The following PPP1R14C variants were observed in gnomAD, a reference collection of about 807,000 sequenced individuals.
The protein encoded by PPP1R14C is protein phosphatase 1 regulatory inhibitor subunit 14C, also known as protein phosphatase 1 regulatory subunit 14C.
PPP1R14C carries 16 observed loss-of-function variants against 20.4 expected under a neutral mutation model. The ratio of observed to expected loss-of-function variants is 0.78; its 90% CI spans 0.53 to 1.19. The LOEUF is 1.19. Ranked by LOEUF, PPP1R14C falls within the 50% of genes most tolerant of loss-of-function variation. The pLI, the probability that PPP1R14C is intolerant of heterozygous loss-of-function variation, is 0.00. For synonymous variants in PPP1R14C, 91 were observed against 91.0 expected (o/e 1.00, Z 0.00); for missense variants, 211 against 220.1 (o/e 0.96, Z 0.26).
intron 1 of PPP1R14C, among the ~76,000 whole-genome samples, chr6:150,153,327 G>A (rs1777271183): frequency 1.3e-5 from 2 of 152,184 alleles, no homozygotes; most frequent in Admixed American, 1.3e-4. Context: ...CTTTTTCCTG[G>A]TTATAAATTA....
At chr6:150,190,125 A>G (rs1331006657) in intron 1 of PPP1R14C, among the ~76,000 whole-genome samples, 1 of 152,086 alleles carries the variant, frequency 6.6e-6, no homozygotes, top group Non-Finnish European at 1.5e-5. Flanking sequence ...TCTGCATGCT[A>G]TATTTTGAGG....
At position 150,216,844 on chromosome 6, in the gene PPP1R14C, C is replaced by T. The variant is rs768253374; in HGVS notation, c.411C>T (p.Tyr137=). The change falls in exon 3 of 4, where the codon TAC becomes TAT. Residue 137 remains tyrosine, a synonymous_variant. Transcript: ENST00000361131. ...SKLQEALVDC[Y]KPTEEFIKEL... is the part of the protein sequence containing the mutation. ...TCTAGGAAGCTCTTGTAGACTGCTA[C>T]AAACCAACAGAGGTAAGCAAATCAC... 1.2e-6 allele frequency: 2 copies of T among 1,603,314 alleles called. No individual in the cohort carries two copies. Among genetic ancestry groups the T allele is most frequent in the Non-Finnish European group, 1.7e-6 (2 of 1,174,296 alleles).
Position 150,176,916 on chromosome 6 carries a change from A to C in PPP1R14C, c.306+33418A>C, listed in dbSNP as rs370105167. 7.9e-5 allele frequency among the ~76,000 whole-genome samples: 12 copies of C among 152,268 alleles called. No individual in the cohort carries two copies. In the South Asian group the frequency reaches 2.5e-3, roughly 32 times the overall value. ...GGAAGAGGGAGGAGAGATCACGAGG[A>C]AGGGCTAGTTATTTAGGGCCGGTCC... On this transcript the variant is annotated intron_variant, in intron 1 of 3. Transcript: ENST00000361131.
At chr6:150,181,450 A>C (rs1449800724) in intron 1 of PPP1R14C, among the ~76,000 whole-genome samples, 2 of 140,336 alleles carry the variant, frequency 1.4e-5, no homozygotes, top group African/African-American at 5.5e-5. Flanking sequence ...AGAAATTCTA[A>C]TGATCTGGTA....
At chr6:150,199,587 A>G (rs185824262) in intron 1 of PPP1R14C, among the ~76,000 whole-genome samples, 1 of 152,318 alleles carries the variant, frequency 6.6e-6, no homozygotes, top group Admixed American at 6.5e-5. Flanking sequence ...ATTTCTGTTC[A>G]TGGTCAGGCA....
intron 1 of PPP1R14C, among the ~76,000 whole-genome samples, chr6:150,158,626 G>A (rs964764677): frequency 6.6e-6 from 1 of 152,148 alleles, no homozygotes; most frequent in Non-Finnish European, 1.5e-5. Context: ...GTATCATTAT[G>A]GGTAATTTAT....
At chr6:150,214,714 A>G (rs199617066) in intron 1 of PPP1R14C, 30 bp from the exon 2 acceptor site, 294 of 1,559,290 alleles carry the variant, frequency 1.9e-4, no homozygotes, top group Middle Eastern at 1.7e-3. Context: ...ACTAAATTAA[A>G]TGCCTTCATA....
At chr6:150,156,764 A>G (rs144848555) in intron 1 of PPP1R14C, among the ~76,000 whole-genome samples, 49 of 152,354 alleles carry the variant, frequency 3.2e-4, no homozygotes, top group Non-Finnish European at 5.4e-4. Context: ...AAACTAAAAA[A>G]CAACACGTAC....
In PPP1R14C at chr6:150,233,678, G is replaced by A. The variant is rs116759400; in HGVS notation, c.424-15068G>A. Among the ~76,000 whole-genome samples the A allele has an allele frequency of 1.6e-3, 238 of 152,254 alleles. 1 individual carries two copies. Among genetic ancestry groups the A allele is most frequent in the African/African-American group, 5.4e-3 (224 of 41,544 alleles). ...TCCAAAATAATCAGTAACCAGTGTG[G>A]GAGACTGGCCAGGCACTTTCGGACT... On this transcript the variant is annotated intron_variant, in intron 3 of 3. Coordinates refer to ENST00000361131, the MANE Select transcript of PPP1R14C (RefSeq NM_030949.3).
At chr6:150,220,475 G>A (rs1778153595) in intron 3 of PPP1R14C, among the ~76,000 whole-genome samples, 1 of 152,160 alleles carries the variant, frequency 6.6e-6, no homozygotes, top group Non-Finnish European at 1.5e-5. Context: ...TTGTGTGATG[G>A]GTTAGACAAG....
intron 1 of PPP1R14C, among the ~76,000 whole-genome samples, chr6:150,186,017 C>A (rs1240549902): frequency 6.6e-6 from 1 of 152,136 alleles, no homozygotes; most frequent in Non-Finnish European, 1.5e-5. Context: ...CAGCAAAGCC[C>A]AGCCCTACCC....
chr6:150,242,148 A>G (rs1034071192), intron 3 of PPP1R14C, among the ~76,000 whole-genome samples: 1 of 152,178 alleles, frequency 6.6e-6, no homozygotes, highest in African/African-American at 2.4e-5. Flanking sequence ...CAACAACAAC[A>G]AAAACCCTCT....
At chr6:150,214,439 T>C in intron 1 of PPP1R14C, among the ~76,000 whole-genome samples, 1 of 151,788 alleles carries the variant, frequency 6.6e-6, no homozygotes, top group East Asian at 1.9e-4. Flanking sequence ...TTGCTCCCCC[T>C]CCTCCTTCTC....
At chr6:150,144,627 G>A (rs1028858624) in intron 1 of PPP1R14C, among the ~76,000 whole-genome samples, 18 of 152,180 alleles carry the variant, frequency 1.2e-4, no homozygotes, top group African/African-American at 1.9e-4. Context: ...CACTAATGTC[G>A]GGTGTTCTGT....
intron 3 of PPP1R14C, among the ~76,000 whole-genome samples, chr6:150,220,589 C>T (rs991427046): frequency 2.0e-5 from 3 of 152,204 alleles, no homozygotes; most frequent in Non-Finnish European, 4.4e-5. Flanking sequence ...CCATTGGTCG[C>T]TGCAGACACG....
intron 3 of PPP1R14C, among the ~76,000 whole-genome samples, chr6:150,226,142 G>A (rs1009665526): frequency 4.6e-5 from 7 of 151,824 alleles, no homozygotes; most frequent in Admixed American, 1.3e-4. Flanking sequence ...TTCAGTCTGC[G>A]GACTCTTGTC....
chr6:150,227,486 G>A (rs1391134362), intron 3 of PPP1R14C, among the ~76,000 whole-genome samples: 2 of 152,206 alleles, frequency 1.3e-5, no homozygotes, highest in Non-Finnish European at 2.9e-5. Flanking sequence ...TTGACAGAAT[G>A]TGCTTTTTAG....
intron 1 of PPP1R14C, among the ~76,000 whole-genome samples, chr6:150,147,098 C>A (rs1401221296): frequency 6.6e-6 from 1 of 151,010 alleles, no homozygotes; most frequent in Admixed American, 6.6e-5. Flanking sequence ...ACATCTACAT[C>A]CACATTTAAG....
intron 1 of PPP1R14C, among the ~76,000 whole-genome samples, chr6:150,177,817 G>A (rs1214443769): frequency 6.6e-6 from 1 of 152,178 alleles, no homozygotes; most frequent in Non-Finnish European, 1.5e-5. Context: ...AGTCCGGACT[G>A]CAGCAGAACC....
Sources: gnomAD v4.1 joint callset for allele counts (sites outside exome capture counted in the v4.1 genomes callset) on GRCh38, gnomAD v4.1.1 for gene constraint, MANE v1.5 for transcripts, NCBI Gene and HGNC (gene_info 2026-07-23, HGNC 2026-07-21) for gene names.